SCML2: variants seen among roughly 807,000 people sequenced by gnomAD.
SCML2 encodes the protein Scm polycomb group protein like 2.
Under a neutral mutation model 48.4 loss-of-function variants are expected in SCML2, and 6 were observed. The ratio of observed to expected loss-of-function variants is 0.12; its 90% confidence interval spans 0.07 to 0.24. The LOEUF (loss-of-function observed/expected upper bound fraction) is 0.24, where lower values mean the gene tolerates loss of function less well. SCML2 is among the 10% of genes least tolerant of loss of function. The pLI is 1.00. For missense variants in SCML2, 377 were observed against 528.2 expected (o/e 0.71, Z 2.81); for synonymous variants, 181 against 189.5 (o/e 0.95, Z 0.37).
chrX:18,350,278 CA>C (rs1043409505), intron 1 of SCML2, among the ~76,000 whole-genome samples: 7 of 107,439 alleles, frequency 6.5e-5, no homozygotes, highest in African/African-American at 2.4e-4. Context: ...GCAAGACTCT[CA>C]AAAAAAACAA....
At chrX:18,283,629 T>C (rs1927940599) in intron 7 of SCML2, among the ~76,000 whole-genome samples, 1 of 112,340 alleles carries the variant, frequency 8.9e-6, no homozygotes, top group Non-Finnish European at 1.9e-5. Context: ...TGAGTAACAT[T>C]TCTACATACC....
At chrX:18,260,617 G>GT (rs1254492029) in intron 8 of SCML2, among the ~76,000 whole-genome samples, 2 of 105,100 alleles carry the variant, frequency 1.9e-5, no homozygotes, top group South Asian at 3.7e-4. Context: ...TGTAAGACAA[G>GT]TTTTTTCACA....
Position 18,239,699 on chromosome X carries a change from A to G in SCML2, c.*1552T>C, listed in dbSNP as rs1926197430. 1 of 112,704 alleles carries G rather than the reference A, an allele frequency of 8.9e-6. No homozygotes were observed. The highest frequency in any genetic ancestry group is 1.9e-5 in the Non-Finnish European group (1 of 53,305). The allele number at this position is 112,704 out of a possible 1,213,427, so 9.3% of individuals were successfully genotyped here. A position where few individuals can be genotyped will look rare whatever the true frequency, so the allele number is the denominator to read the frequency against. On this transcript the variant is annotated 3_prime_UTR_variant, in exon 15 of 15. Coordinates refer to ENST00000251900, the MANE Select transcript of SCML2 (RefSeq NM_006089.3). ...AGCACCATTTCCTCTTCAAAGTTCT[A>G]ACTTATAAAATAAAGCCCCAAACAT...
chrX:18,305,177 C>A lies in SCML2; in HGVS notation c.525G>T (p.Gly175=). The A allele has an allele frequency of 8.3e-7, 1 of 1,206,181 alleles. No individual in the cohort carries two copies. Among genetic ancestry groups the A allele is most frequent in the Non-Finnish European group, 1.1e-6 (1 of 892,699 alleles). Reference sequence around the variant, plus strand: ...TTTTGTCAATAGCTTCCAGTTTCATCCCCACTTTAAAATTATTTAGTGGGG... The same window carrying A: ...TTTTGTCAATAGCTTCCAGTTTCATACCCACTTTAAAATTATTTAGTGGGG... The part of the protein sequence containing the change: ...PKPPLNNFKV[G]MKLEAIDKKN... The change falls in exon 7 of 15, where the codon GGG becomes GGT. Residue 175 remains glycine (G), a synonymous_variant. Coordinates refer to ENST00000251900, the MANE Select transcript of SCML2 (RefSeq NM_006089.3).
intron 6 of SCML2, among the ~76,000 whole-genome samples, chrX:18,312,348 T>C (rs913298097): frequency 6.3e-5 from 7 of 111,280 alleles, no homozygotes; most frequent in Non-Finnish European, 1.3e-4. Flanking sequence ...AAGTCCCTGA[T>C]ATAAAATGGC....
chrX:18,343,155 C>T (rs1468350098), intron 1 of SCML2, among the ~76,000 whole-genome samples: 5 of 104,197 alleles, frequency 4.8e-5, no homozygotes, highest in African/African-American at 1.0e-4. Flanking sequence ...TTTTTCCTTT[C>T]GTGTGCCCCA....
At chrX:18,272,969 C>T (rs1278738544) in intron 7 of SCML2, among the ~76,000 whole-genome samples, 4 of 112,090 alleles carry the variant, frequency 3.6e-5, no homozygotes, top group Non-Finnish European at 7.5e-5. Flanking sequence ...AACATTTCCA[C>T]AGATACAACC....
At chrX:18,285,486 C>T (rs762659044) in intron 7 of SCML2, among the ~76,000 whole-genome samples, 5 of 109,832 alleles carry the variant, frequency 4.6e-5, no homozygotes, top group East Asian at 2.9e-4. Flanking sequence ...CTCACTTATA[C>T]GTGAGAGCTA....
intron 8 of SCML2, among the ~76,000 whole-genome samples, chrX:18,263,407 A>G (rs1281859508): frequency 2.7e-5 from 3 of 111,985 alleles, no homozygotes; most frequent in Non-Finnish European, 5.6e-5. Flanking sequence ...ACCATCTTCA[A>G]AACAATTCCT....
intron 7 of SCML2, among the ~76,000 whole-genome samples, chrX:18,274,975 A>T (rs1484681776): frequency 8.9e-6 from 1 of 112,020 alleles, no homozygotes; most frequent in Non-Finnish European, 1.9e-5. Context: ...CACAACCCAG[A>T]CATTTCTTCC....
intron 6 of SCML2, among the ~76,000 whole-genome samples, chrX:18,307,166 C>T (rs55948039): frequency 0.092 from 10,091 of 109,776 alleles, 501 homozygotes; most frequent in Middle Eastern, 0.17. Flanking sequence ...CACCTGTAGT[C>T]CCAGCTACTT....
chrX:18,277,876 G>A (rs1927697793), intron 7 of SCML2, among the ~76,000 whole-genome samples: 1 of 110,887 alleles, frequency 9.0e-6, no homozygotes, highest in Non-Finnish European at 1.9e-5. Flanking sequence ...CACCAAGAGA[G>A]GCCAAATTAG....
intron 11 of SCML2, among the ~76,000 whole-genome samples, chrX:18,252,934 C>T (rs1043614188): frequency 5.4e-5 from 6 of 112,054 alleles, no homozygotes; most frequent in Non-Finnish European, 1.1e-4. Flanking sequence ...TTAAAAGGCA[C>T]GCTGAAATCT....
rs192065215 is a variant in SCML2, at chrX:18,298,096, A to T, written c.730+6876T>A. Reference sequence around the variant, plus strand: ...AGATCTCTACAAGAAAAACTACAAAACGCTGATGAAAAAAACTAATGAGGA... The same window carrying T: ...AGATCTCTACAAGAAAAACTACAAATCGCTGATGAAAAAAACTAATGAGGA... On this transcript the variant is annotated intron_variant, in intron 7 of 14. Transcript: ENST00000251900. Among the ~76,000 whole-genome samples, 20 of 111,315 alleles carry T rather than the reference A, an allele frequency of 1.8e-4. No individual in the cohort carries two copies. The East Asian group carries it at 5.6e-3, about 31-fold the overall frequency.
At chrX:18,241,435 T>C (rs768981448) in intron 14 of SCML2, 56 bp from the exon 15 acceptor site, 1 of 925,552 alleles carries the variant, frequency 1.1e-6, no homozygotes, top group Admixed American at 3.3e-5. Context: ...AAATTATTTA[T>C]ACATAAGAAC....
chrX:18,273,769 T>C (rs1258225321), intron 7 of SCML2, among the ~76,000 whole-genome samples: 2 of 111,017 alleles, frequency 1.8e-5, no homozygotes, highest in East Asian at 2.9e-4. Flanking sequence ...AAACCACCCA[T>C]GGCCCCCCTT....
At chrX:18,304,342 A>G (rs981969078) in intron 7 of SCML2, among the ~76,000 whole-genome samples, 12 of 112,277 alleles carry the variant, frequency 1.1e-4, no homozygotes, top group African/African-American at 3.9e-4. Flanking sequence ...GTCACCAAGG[A>G]ACATCAACAT....
chrX:18,241,527 T>G (rs1488088690), intron 14 of SCML2, 148 bp from the exon 15 acceptor site: 4 of 355,231 alleles, frequency 1.1e-5, no homozygotes, highest in Middle Eastern at 7.6e-4. Flanking sequence ...AAAATATAAT[T>G]TATACAGTGA....
At chrX:18,263,014 C>G (rs1927128907) in intron 8 of SCML2, among the ~76,000 whole-genome samples, 1 of 110,476 alleles carries the variant, frequency 9.1e-6, no homozygotes, top group Non-Finnish European at 1.9e-5. Context: ...CTGTACCCAG[C>G]CCCTCCTTTC....
Sources: gnomAD v4.1 joint callset for allele counts (sites outside exome capture counted in the v4.1 genomes callset) on GRCh38, gnomAD v4.1.1 for gene constraint, MANE v1.5 for transcripts, NCBI Gene and HGNC (gene_info 2026-07-23, HGNC 2026-07-21) for gene names.